The following AAGAB variants were observed in gnomAD, a reference collection of about 807,000 sequenced individuals.
AAGAB encodes the protein alpha- and gamma-adaptin-binding protein p34.
AAGAB carries 38 observed loss-of-function variants against 44.1 expected under a neutral mutation model. The ratio of observed to expected loss-of-function variants is 0.86; its 90% CI spans 0.67 to 1.13. The LOEUF is 1.13. Among genes scored for constraint, AAGAB ranks in the 50% most tolerant of loss-of-function variants. The pLI, the probability that AAGAB is intolerant of heterozygous loss-of-function variation, is 0.00. For synonymous variants in AAGAB, 131 were observed against 131.8 expected (o/e 0.99, Z 0.04); for missense variants, 450 against 373.8 (o/e 1.20, Z -1.68).
rs1963760525 is a variant in AAGAB, at chr15:67,209,491, T to C, written c.589A>G (p.Ile197Val). 2 of 1,614,168 alleles carry C rather than the reference T, an allele frequency of 1.2e-6. No individual in the cohort carries two copies. The highest frequency in any genetic ancestry group is 1.3e-5 in the African/African-American group (1 of 75,060). ...GGGTGACAGGGATCTGCTGACCCAA[T>C]GCTATGGTTTGTTCCAGTCAATGAG... ...LNSLTGTNHS[I>V]GSADPCHPEQ... The change falls in exon 6 of 10, where the codon ATT (isoleucine) becomes GTT (valine). Residue 197 changes from isoleucine (I) to valine (V), a missense_variant. Transcript: ENST00000261880.
intron 5 of AAGAB, among the ~76,000 whole-genome samples, chr15:67,211,122 A>T (rs1963809106): frequency 6.6e-6 from 1 of 152,148 alleles, no homozygotes; most frequent in Non-Finnish European, 1.5e-5. Flanking sequence ...TGAAGCCTCA[A>T]ATGTGGCCTG....
At chr15:67,203,743 C>A in intron 8 of AAGAB, 146 bp from the exon 9 acceptor site, 1 of 714,236 alleles carries the variant, frequency 1.4e-6, no homozygotes, top group South Asian at 1.9e-5. Context: ...TTAAGTCTTC[C>A]AAATTTTCCA....
At chr15:67,245,536 T>C (rs1475999905) in intron 1 of AAGAB, among the ~76,000 whole-genome samples, 3 of 152,170 alleles carry the variant, frequency 2.0e-5, no homozygotes, top group Non-Finnish European at 4.4e-5. Flanking sequence ...TACAATCAGA[T>C]TGTAATGATG....
intron 1 of AAGAB, among the ~76,000 whole-genome samples, chr15:67,241,213 G>A (rs894730133): frequency 6.6e-6 from 1 of 152,102 alleles, no homozygotes; most frequent in African/African-American, 2.4e-5. Context: ...CAGTAGTAGG[G>A]TAATTAAGTA....
At chr15:67,209,684 ACT>A in intron 5 of AAGAB, 140 bp from the exon 6 acceptor site, 1 of 688,398 alleles carries the variant, frequency 1.5e-6, no homozygotes, top group South Asian at 1.9e-5. Context: ...ACAGGGTCTC[ACT>A]CTGTAGCCCA....
intron 5 of AAGAB, among the ~76,000 whole-genome samples, chr15:67,228,137 T>G (rs1294277727): frequency 1.3e-5 from 2 of 152,248 alleles, no homozygotes; most frequent in African/African-American, 2.4e-5. Context: ...CTTCTCAATT[T>G]ACAACCATAA....
intron 1 of AAGAB, among the ~76,000 whole-genome samples, chr15:67,245,414 A>C (rs959935680): frequency 7.9e-5 from 12 of 152,208 alleles, no homozygotes; most frequent in African/African-American, 2.9e-4. Flanking sequence ...ATTTATATAA[A>C]ATGTGTAGAA....
At chr15:67,233,411 G>A (rs1964388236) in intron 4 of AAGAB, among the ~76,000 whole-genome samples, 1 of 152,192 alleles carries the variant, frequency 6.6e-6, no homozygotes, top group South Asian at 2.1e-4. Flanking sequence ...CTACAACACA[G>A]GAATGATCGT....
At chr15:67,217,351 G>C (rs1963973991) in intron 5 of AAGAB, among the ~76,000 whole-genome samples, 1 of 152,156 alleles carries the variant, frequency 6.6e-6, no homozygotes, top group African/African-American at 2.4e-5. Flanking sequence ...GACCTGATTA[G>C]AACTGTCTTC....
intron 1 of AAGAB, 73 bp downstream of exon 1, chr15:67,254,486 G>C: frequency 6.6e-7 from 1 of 1,516,818 alleles, no homozygotes; most frequent in Non-Finnish European, 8.9e-7. Flanking sequence ...GCCCAGAGAG[G>C]CCGTGGTGCT....
chr15:67,236,856 A>C (rs1964482805), intron 1 of AAGAB, 36 bp from the exon 2 acceptor site: 1 of 1,516,874 alleles, frequency 6.6e-7, no homozygotes, highest in Non-Finnish European at 9.0e-7. Context: ...TGTAAAGTGC[A>C]AAACCAATAT....
chr15:67,248,956 A>C (rs1964795410), intron 1 of AAGAB, among the ~76,000 whole-genome samples: 1 of 152,258 alleles, frequency 6.6e-6, no homozygotes, highest in African/African-American at 2.4e-5. Flanking sequence ...TAAGTTTTCA[A>C]AAACTAAAAG....
chr15:67,226,653 A>C (rs1051005591), intron 5 of AAGAB: 5 of 152,370 alleles, frequency 3.3e-5, no homozygotes, highest in African/African-American at 1.2e-4. Context: ...GTGTCCTTTG[A>C]AGTATGAACA....
chr15:67,222,226 GCGCA>G (rs1243020498), intron 5 of AAGAB, among the ~76,000 whole-genome samples: 83 of 95,132 alleles, frequency 8.7e-4, no homozygotes, highest in Middle Eastern at 5.2e-3. Context: ...ATGCATGCAC[GCGCA>G]CGCGCGCGCG....
rs1335028235 is a variant in AAGAB at position 67,200,902 on chromosome 15, T to C, written c.*1919A>G. On this transcript the variant is annotated 3_prime_UTR_variant, in exon 10 of 10. Transcript: ENST00000261880. ...TACATATGCAGGGTAAATTCTAAAA[T>C]AGTGAGCTTGACAGACTCTTCCACT... 6.6e-6 allele frequency: 1 copy of C among 152,358 alleles called. No homozygotes were observed. The highest frequency in any genetic ancestry group is 1.5e-5 in the Non-Finnish European group (1 of 68,048). The allele number at this position is 152,358 out of a possible 1,614,324, so 9.4% of individuals were successfully genotyped here. A position where few individuals can be genotyped will look rare whatever the true frequency, so the allele number is the denominator to read the frequency against.
At chr15:67,234,464 T>C (rs1309136027) in intron 4 of AAGAB, among the ~76,000 whole-genome samples, 1 of 152,076 alleles carries the variant, frequency 6.6e-6, no homozygotes, top group Non-Finnish European at 1.5e-5. Context: ...AAGAGGAAAA[T>C]TAATACAAAC....
chr15:67,238,006 T>C (rs1964509985), intron 1 of AAGAB, among the ~76,000 whole-genome samples: 1 of 152,228 alleles, frequency 6.6e-6, no homozygotes, highest in Non-Finnish European at 1.5e-5. Context: ...ATAAAGTGTG[T>C]GTGTATGAAT....
Position 67,232,484 on chromosome 15 carries a change from GACCA to G in AAGAB, c.452-591_452-588del, listed in dbSNP as rs553851923. 2.6e-3 allele frequency: 822 copies of G among 311,096 alleles called. 5 individuals are homozygous for G. Among genetic ancestry groups the G allele is most frequent in the African/African-American group, 0.016 (701 of 45,154 alleles). 19.3% of individuals were successfully genotyped at this position (311,096 alleles called of 1,614,324 possible). A position where few individuals can be genotyped will look rare whatever the true frequency, so the allele number is the denominator to read the frequency against. On this transcript the variant is annotated intron_variant, in intron 4 of 9. Coordinates refer to ENST00000261880, the MANE Select transcript of AAGAB (RefSeq NM_024666.5). ...TAACTATCCAAACTGGAAAGTTCAT[GACCA>G]ACCAACTACTTCAGTGAAAACAAAT...
chr15:67,207,338 A>G (rs748375070), intron 7 of AAGAB, among the ~76,000 whole-genome samples: 1 of 152,220 alleles, frequency 6.6e-6, no homozygotes, highest in Non-Finnish European at 1.5e-5. Context: ...GTATACTAAT[A>G]CACGCATATA....
Sources: allele counts gnomAD v4.1 joint callset (sites outside exome capture counted in the v4.1 genomes callset), GRCh38; gene constraint gnomAD v4.1.1; transcripts MANE v1.5; gene names NCBI Gene and HGNC (gene_info 2026-07-23, HGNC 2026-07-21).